Variants in PRSS23 observed in about 807,000 individuals in gnomAD.
PRSS23 encodes the protein protease, serine 23.
A neutral mutation model predicts 34.7 loss-of-function variants in PRSS23; 25 were observed. That is an observed-to-expected ratio of 0.72 (90% CI 0.53 to 1.01). The LOEUF (loss-of-function observed/expected upper bound fraction) is 1.01, where lower values mean the gene tolerates loss of function less well. PRSS23 is among the 50% of genes least tolerant of loss of function. The pLI is 0.00. For synonymous variants in PRSS23, 176 were observed against 186.6 expected (o/e 0.94, Z 0.46); for missense variants, 445 against 475.6 (o/e 0.94, Z 0.60).
At chr11:86,875,196 A>C (rs1270100610) in intron 2 of PRSS23, among the ~76,000 whole-genome samples, 1 of 152,184 alleles carries the variant, frequency 6.6e-6, no homozygotes, top group African/African-American at 2.4e-5. Context: ...GAAAGAATTT[A>C]TAGGCATATT....
At chr11:86,856,019 T>C (rs1475419954) in intron 2 of PRSS23, among the ~76,000 whole-genome samples, 1 of 152,214 alleles carries the variant, frequency 6.6e-6, no homozygotes, top group South Asian at 2.1e-4. Flanking sequence ...ATTTTAAAAA[T>C]GTCTCAGAAT....
chr11:86,820,858 G>A (rs2134873318), intron 1 of PRSS23, among the ~76,000 whole-genome samples: 1 of 152,178 alleles, frequency 6.6e-6, no homozygotes, highest in East Asian at 1.9e-4. Flanking sequence ...TCCAATGATT[G>A]TTTAGCAGCA....
chr11:86,921,246 T>A (rs7119097), intron 2 of PRSS23: 1 of 151,924 alleles, frequency 6.6e-6, no homozygotes. Flanking sequence ...CTGAAGGTTG[T>A]GTGATCTTCC....
rs757850482 is a variant in PRSS23, at chr11:86,952,060, G to A, written c.*775G>A. Reference sequence around the variant, plus strand: ...AGGTCAGTACTGTGAAGGCAGTGGAGATGAAACACAGGCTGGCCCACACAG... The same window carrying A: ...AGGTCAGTACTGTGAAGGCAGTGGAAATGAAACACAGGCTGGCCCACACAG... On this transcript the variant is annotated 3_prime_UTR_variant, in exon 3 of 3. Coordinates refer to the PRSS23 transcript ENST00000533902. 1.4e-5 allele frequency: 23 copies of A among 1,614,140 alleles called. 1 individual carries two copies. In the East Asian group the frequency reaches 4.2e-4, roughly 30 times the overall value.
chr11:86,823,207 T>C (rs2134876258), intron 1 of PRSS23: 1 of 602,552 alleles, frequency 1.7e-6, no homozygotes, highest in South Asian at 2.0e-5. Context: ...TCAGTTCCTA[T>C]TTCTTTTACT....
At chr11:86,905,780 A>G (rs1321696803) in intron 2 of PRSS23, among the ~76,000 whole-genome samples, 1 of 152,246 alleles carries the variant, frequency 6.6e-6, no homozygotes, top group Non-Finnish European at 1.5e-5. Flanking sequence ...CAGAACTCAG[A>G]GAAGTCCCAC....
chr11:86,952,224 C>T (rs1244344386), exon 3 of PRSS23: 1 of 1,614,150 alleles, frequency 6.2e-7, no homozygotes, highest in East Asian at 2.2e-5. Context: ...CACTCTTCCC[C>T]AGGCTGGATG....
intron 2 of PRSS23, among the ~76,000 whole-genome samples, chr11:86,932,410 C>T (rs1949132202): frequency 6.6e-6 from 1 of 152,174 alleles, no homozygotes; most frequent in South Asian, 2.1e-4. Context: ...CCATCACCAT[C>T]AGTGACACGG....
intron 2 of PRSS23, among the ~76,000 whole-genome samples, chr11:86,826,977 A>C (rs1260073763): frequency 2.6e-5 from 4 of 151,816 alleles, no homozygotes; most frequent in Non-Finnish European, 4.4e-5. Context: ...GTCTCTGCCC[A>C]GCTTTGGTAT....
At chr11:86,886,419 T>A (rs905184797) in intron 2 of PRSS23, among the ~76,000 whole-genome samples, 17 of 152,190 alleles carry the variant, frequency 1.1e-4, no homozygotes, top group African/African-American at 4.1e-4. Flanking sequence ...CTCTCCCAGC[T>A]TTAAACTGTC....
chr11:86,943,404 C>T (rs754563992), intron 2 of PRSS23, among the ~76,000 whole-genome samples: 5 of 152,152 alleles, frequency 3.3e-5, no homozygotes, highest in African/African-American at 7.2e-5. Context: ...GCGGGAGGAT[C>T]GCCTGAGGTC....
intron 2 of PRSS23, among the ~76,000 whole-genome samples, chr11:86,906,502 C>T (rs371279315): frequency 2.0e-5 from 3 of 152,306 alleles, no homozygotes; most frequent in Admixed American, 1.3e-4. Flanking sequence ...CGCGAGGTTG[C>T]CCCCCATCTA....
At chr11:86,921,073 G>A (rs1011821033) in intron 2 of PRSS23, among the ~76,000 whole-genome samples, 11 of 152,044 alleles carry the variant, frequency 7.2e-5, no homozygotes, top group Non-Finnish European at 1.5e-4. Flanking sequence ...CTCCTACTCC[G>A]TTCAACATTA....
intron 2 of PRSS23, among the ~76,000 whole-genome samples, chr11:86,823,833 C>G (rs988293115): frequency 6.6e-6 from 1 of 151,490 alleles, no homozygotes; most frequent in Non-Finnish European, 1.5e-5. Context: ...GGTGAAACCC[C>G]GTCTCTACTA....
intron 2 of PRSS23, among the ~76,000 whole-genome samples, chr11:86,919,583 G>A (rs1057391303): frequency 2.0e-5 from 3 of 152,176 alleles, no homozygotes; most frequent in African/African-American, 7.2e-5. Context: ...GGAGAAAGTG[G>A]TCCTGCCAGT....
At chr11:86,814,283 C>A (rs150099043), downstream of PRSS23, among the ~76,000 whole-genome samples, 34 of 151,832 alleles carry the variant, frequency 2.2e-4, no homozygotes, top group Admixed American at 1.5e-3. Flanking sequence ...GAGAATGAGG[C>A]TTGAGAAGAG....
chr11:86,842,406 C>T (rs186960402), intron 2 of PRSS23, among the ~76,000 whole-genome samples: 2 of 152,306 alleles, frequency 1.3e-5, no homozygotes, highest in African/African-American at 4.8e-5. Context: ...CACTCCAATT[C>T]AACATAGTGT....
chr11:86,948,590 T>C (rs1445710348), intron 2 of PRSS23: 1 of 152,206 alleles, frequency 6.6e-6, no homozygotes, highest in Admixed American at 6.5e-5. Flanking sequence ...AAATACACTT[T>C]GCCCTGAAAA....
At chr11:86,805,723 A>G (rs1400614513) in intron 1 of PRSS23, among the ~76,000 whole-genome samples, 2 of 152,222 alleles carry the variant, frequency 1.3e-5, no homozygotes, top group African/African-American at 4.8e-5. Context: ...TGTTAGAAAC[A>G]CAGTGTGGAT....
Sources: allele counts gnomAD v4.1 joint callset (sites outside exome capture counted in the v4.1 genomes callset), GRCh38; gene constraint gnomAD v4.1.1; transcripts MANE v1.5; gene names NCBI Gene and HGNC (gene_info 2026-07-23, HGNC 2026-07-21).